The following MTUS2 variants were observed in gnomAD, a reference collection of about 807,000 sequenced individuals.
MTUS2 encodes microtubule associated scaffold protein 2, also known as microtubule-associated tumor suppressor candidate 2.
A neutral mutation model predicts 114.1 loss-of-function variants in MTUS2; 40 were observed. That is an observed-to-expected ratio of 0.35 (90% CI 0.27 to 0.46). MTUS2 has a LOEUF of 0.46. Among genes scored for constraint, MTUS2 ranks in the 20% least tolerant of loss-of-function variants. The pLI is 1.00. For synonymous variants in MTUS2, 688 were observed against 672.0 expected, an observed-to-expected ratio of 1.02 and a Z score of -0.37; for missense variants, 1,679 against 1,705.4, an observed-to-expected ratio of 0.98 and a Z score of 0.27.
chr13:29,226,963 G>A (rs1448174810), intron 5 of MTUS2, among the ~76,000 whole-genome samples: 3 of 151,976 alleles, frequency 2.0e-5, no homozygotes, highest in African/African-American at 4.8e-5. Context: ...TCCTGGACTT[G>A]AATCTGCATA....
In MTUS2 at chr13:29,504,343, C is replaced by G; in HGVS notation, c.*1137C>G. On this transcript the variant is annotated 3_prime_UTR_variant, in exon 16 of 16. Transcript: ENST00000612955. ...CCTTCAGTTTGGTTCTACAACTCAACCCCTTCACTGCACATTGAGATGGCT... is the reference window on the plus strand; with the variant it reads ...CCTTCAGTTTGGTTCTACAACTCAAGCCCTTCACTGCACATTGAGATGGCT... 1 of 232,190 alleles carries G rather than the reference C, an allele frequency of 4.3e-6. No individual in the cohort carries two copies. Among genetic ancestry groups the G allele is most frequent in the Non-Finnish European group, 8.5e-6 (1 of 117,148 alleles). 14.4% of individuals were successfully genotyped at this position (232,190 alleles called of 1,614,324 possible).
At chr13:28,978,889 A>T (rs961974708) in intron 2 of MTUS2, among the ~76,000 whole-genome samples, 1 of 152,176 alleles carries the variant, frequency 6.6e-6, no homozygotes, top group Non-Finnish European at 1.5e-5. Flanking sequence ...GGTGGAGTAC[A>T]ACCAGCCAGT....
At chr13:29,111,432 C>T (rs986025805) in intron 5 of MTUS2, among the ~76,000 whole-genome samples, 3 of 152,106 alleles carry the variant, frequency 2.0e-5, no homozygotes, top group African/African-American at 7.2e-5. Flanking sequence ...ATTATTAGTC[C>T]AGTACCAGAA....
chr13:29,162,518 G>T (rs1893143041), intron 5 of MTUS2, among the ~76,000 whole-genome samples: 1 of 152,068 alleles, frequency 6.6e-6, no homozygotes, highest in African/African-American at 2.4e-5. Context: ...CCCTTTTAAG[G>T]GTAGTACATG....
At chr13:29,453,852 C>G (rs1354223814) in intron 9 of MTUS2, among the ~76,000 whole-genome samples, 1 of 152,098 alleles carries the variant, frequency 6.6e-6, no homozygotes, top group Non-Finnish European at 1.5e-5. Flanking sequence ...ATATGAGGCT[C>G]AAATGATTCT....
intron 2 of MTUS2, among the ~76,000 whole-genome samples, chr13:28,909,409 C>T (rs1377745383): frequency 1.3e-5 from 2 of 151,936 alleles, no homozygotes; most frequent in South Asian, 2.1e-4. Context: ...CCTTCACGTC[C>T]CTTGTAAGTT....
intron 4 of MTUS2, among the ~76,000 whole-genome samples, chr13:29,052,844 G>C (rs534935790): frequency 8.5e-5 from 13 of 152,270 alleles, no homozygotes; most frequent in South Asian, 2.1e-4. Context: ...GTTGTGGGGA[G>C]GGACCAGGTG....
chr13:29,404,968 A>C (rs1046809364), intron 8 of MTUS2, among the ~76,000 whole-genome samples: 3 of 152,224 alleles, frequency 2.0e-5, no homozygotes, highest in Non-Finnish European at 4.4e-5. Context: ...CAGCGATGAC[A>C]AGTTCTTTTT....
chr13:29,207,200 G>T lies in MTUS2; in HGVS notation c.2645-74504G>T, dbSNP rs567976820. On this transcript the variant is annotated intron_variant, in intron 5 of 15. Coordinates refer to ENST00000612955, the MANE Select transcript of MTUS2 (RefSeq NM_001033602.4). Reference sequence around the variant, plus strand: ...TTGTTTTGCAGCTATTGTAAAAGGGGTTGAGTTCTTTAATTGATTGTCAGC... The same window carrying T: ...TTGTTTTGCAGCTATTGTAAAAGGGTTTGAGTTCTTTAATTGATTGTCAGC... 5.3e-5 allele frequency among the ~76,000 whole-genome samples: 8 copies of T among 152,174 alleles called. No homozygotes were observed. In the South Asian group the frequency reaches 1.0e-3, roughly 20 times the overall value.
chr13:29,423,001 T>A (rs1438263390), intron 8 of MTUS2, among the ~76,000 whole-genome samples: 2 of 152,248 alleles, frequency 1.3e-5, no homozygotes, highest in East Asian at 3.8e-4. Flanking sequence ...TTAGTCTTTT[T>A]TCAGGTATCC....
chr13:29,144,494 G>C (rs147230434), intron 5 of MTUS2, among the ~76,000 whole-genome samples: 2 of 151,994 alleles, frequency 1.3e-5, no homozygotes, highest in Non-Finnish European at 2.9e-5. Context: ...CTTCCAGTTT[G>C]CTTGGATTAC....
rs1248035913 is a variant in MTUS2, at chr13:29,029,120, C to G, written c.2205+2217C>G. On this transcript the variant is annotated intron_variant, in intron 3 of 15. Transcript: ENST00000612955. ...TGCCTTGCCGCAGGTCCTTAGCAAC[C>G]AAATCACACAGCTTGCTCCCTGTGT... Among the ~76,000 whole-genome samples, 41 of 152,176 alleles carry G rather than the reference C, an allele frequency of 2.7e-4. 1 individual carries two copies. The highest frequency in any genetic ancestry group is 1.8e-4 in the Non-Finnish European group (12 of 68,028).
Position 28,873,205 on chromosome 13 carries a change from C to T in MTUS2, c.-243+33355C>T, listed in dbSNP as rs554668134. 2.5e-4 allele frequency among the ~76,000 whole-genome samples: 38 copies of T among 152,276 alleles called. No homozygotes were observed. In the South Asian group the frequency reaches 2.5e-3, roughly 10 times the overall value. ...AGATGTGGGATTGAATAATATATTT[C>T]GGTGACACATGTTTGAGTTCCTTGA... On this transcript the variant is annotated intron_variant, in intron 2 of 15. Coordinates refer to ENST00000612955, the MANE Select transcript of MTUS2 (RefSeq NM_001033602.4).
At chr13:29,332,429 G>A (rs564019466) in intron 7 of MTUS2, among the ~76,000 whole-genome samples, 19 of 151,840 alleles carry the variant, frequency 1.3e-4, no homozygotes, top group Middle Eastern at 3.4e-3. Flanking sequence ...TTTTTATTGC[G>A]TCTATTTGAT....
intron 2 of MTUS2, among the ~76,000 whole-genome samples, chr13:28,841,931 C>T (rs538141644): frequency 5.9e-5 from 9 of 152,292 alleles, no homozygotes; most frequent in East Asian, 1.9e-4. Context: ...ATGATCTGCC[C>T]GCCTTGGCCT....
chr13:29,151,264 T>C (rs868411468), intron 5 of MTUS2, among the ~76,000 whole-genome samples: 6 of 152,194 alleles, frequency 3.9e-5, no homozygotes, highest in Non-Finnish European at 7.4e-5. Context: ...ATCTCCTTGG[T>C]TAAATATATT....
At chr13:29,049,029 T>C (rs564281358) in intron 4 of MTUS2, among the ~76,000 whole-genome samples, 1 of 152,342 alleles carries the variant, frequency 6.6e-6, no homozygotes, top group African/African-American at 2.4e-5. Context: ...CAGCAATTCT[T>C]TCAAAAACAT....
At chr13:29,014,916 G>A (rs1886002026) in intron 2 of MTUS2, among the ~76,000 whole-genome samples, 1 of 152,212 alleles carries the variant, frequency 6.6e-6, no homozygotes, top group Non-Finnish European at 1.5e-5. Flanking sequence ...GGCTTCCATG[G>A]GAGATGCATT....
intron 3 of MTUS2, among the ~76,000 whole-genome samples, chr13:29,030,165 A>T (rs1323578766): frequency 1.3e-5 from 2 of 152,116 alleles, no homozygotes; most frequent in African/African-American, 4.8e-5. Flanking sequence ...TTACATGCAT[A>T]GTTTTCCCCA....
Sources: allele counts gnomAD v4.1 joint callset (sites outside exome capture counted in the v4.1 genomes callset), GRCh38; gene constraint gnomAD v4.1.1; transcripts MANE v1.5; gene names NCBI Gene and HGNC (gene_info 2026-07-23, HGNC 2026-07-21).